MYO1H: variants seen among roughly 807,000 people sequenced by gnomAD.
MYO1H encodes the protein myosin IH, also known as unconventional myosin-Ih.
MYO1H carries 118 observed loss-of-function variants against 149.3 expected under a neutral mutation model. The ratio of observed to expected loss-of-function variants is 0.79; its 90% CI spans 0.68 to 0.92. MYO1H has a LOEUF of 0.92. Ranked by LOEUF, MYO1H falls within the 40% of genes least tolerant of loss-of-function variation. The pLI, the probability that MYO1H is intolerant of heterozygous loss-of-function variation, is 0.00. For missense variants in MYO1H, 1,212 were observed against 1,280.7 expected (o/e 0.95, Z 0.82); for synonymous variants, 447 against 465.2 (o/e 0.96, Z 0.50).
intron 19 of MYO1H, among the ~76,000 whole-genome samples, chr12:109,432,654 A>T (rs544738361): frequency 6.6e-6 from 1 of 152,306 alleles, no homozygotes; most frequent in South Asian, 2.1e-4. Context: ...TGAGCGTCTG[A>T]TGATGTCATT....
chr12:109,336,149 T>C, the MYO1H span, among the ~76,000 whole-genome samples: 3 of 152,182 alleles, frequency 2.0e-5, no homozygotes, highest in South Asian at 2.1e-4. Context: ...CTGACTCTTA[T>C]ATGAATCCAT....
intron 27 of MYO1H, among the ~76,000 whole-genome samples, chr12:109,443,024 A>ATATATGTGTGTGTGTGTGTGTG (rs1872229370): frequency 9.9e-6 from 1 of 101,226 alleles, no homozygotes; most frequent in Non-Finnish European, 2.0e-5. Context: ...ATATATATAT[A>ATATATGTGTGTGTGTGTGTGTG]TATATGTGTG....
intron 1 of MYO1H, among the ~76,000 whole-genome samples, chr12:109,374,071 G>A (rs1869043164): frequency 6.6e-6 from 1 of 152,200 alleles, no homozygotes; most frequent in South Asian, 2.1e-4. Flanking sequence ...TATGTGACTG[G>A]CTTTCTTTGA....
chr12:109,432,261 C>T (rs1389024533), intron 19 of MYO1H, among the ~76,000 whole-genome samples: 1 of 152,072 alleles, frequency 6.6e-6, no homozygotes. Context: ...GCCTCGGCCT[C>T]CCAAAGTGCT....
At chr12:109,443,775 C>A in intron 28 of MYO1H, 126 bp downstream of exon 28, 1 of 975,138 alleles carries the variant, frequency 1.0e-6, no homozygotes, top group Non-Finnish European at 1.5e-6. Flanking sequence ...TAGTGATGCA[C>A]ACCTGTAGTC....
rs1555251228 is a variant in MYO1H at position 109,396,819 on chromosome 12, T to TC, written c.489+237_489+238insC. 5.9e-5 allele frequency among the ~76,000 whole-genome samples: 7 copies of TC among 118,284 alleles called. 1 individual carries two copies. Among genetic ancestry groups the TC allele is most frequent in the Non-Finnish European group, 3.6e-5 (2 of 55,832 alleles). 77.6% of individuals were successfully genotyped at this position (118,284 alleles called of 152,430 possible). A position where few individuals can be genotyped will look rare whatever the true frequency, so the allele number is the denominator to read the frequency against. ...TTGGTTTTTGTTTTGGTTTCGTTTT[T>TC]TTTTTTTTTTTTTTTTTTTTTTTTT... On this transcript the variant is annotated intron_variant, in intron 4 of 31. Transcript: ENST00000310903.
At chr12:109,368,046 G>A (rs1368996830) in intron 1 of MYO1H, among the ~76,000 whole-genome samples, 2 of 152,122 alleles carry the variant, frequency 1.3e-5, no homozygotes, top group Non-Finnish European at 2.9e-5. Context: ...ATGAATATTT[G>A]CTAAGTAAGC....
At position 109,436,451 on chromosome 12, in the gene MYO1H, C is replaced by T. The variant is rs748193174; in HGVS notation, c.2141-37C>T. ...TCACAACCACAAAGATGCGCAAATG[C>T]AAAGCCATTTCACCAAAACGTCTGT... On this transcript the variant is annotated intron_variant, in intron 21 of 31. Transcript: ENST00000310903. 1.1e-5 allele frequency: 17 copies of T among 1,525,124 alleles called. No homozygotes were observed. The East Asian group carries it at 3.9e-4, about 35-fold the overall frequency. 94.5% of individuals were successfully genotyped at this position (1,525,124 alleles called of 1,614,324 possible).
chr12:109,382,933 A>G (rs1869235152), intron 1 of MYO1H, among the ~76,000 whole-genome samples: 1 of 149,680 alleles, frequency 6.7e-6, no homozygotes, highest in African/African-American at 2.4e-5. Flanking sequence ...ATAAATATAA[A>G]GAAAAGATGA....
chr12:109,311,199 C>T, the MYO1H span, among the ~76,000 whole-genome samples: 7 of 152,178 alleles, frequency 4.6e-5, no homozygotes, highest in African/African-American at 1.7e-4. Flanking sequence ...AAATAAAAGG[C>T]ATCCAGTCTG....
intron 25 of MYO1H, among the ~76,000 whole-genome samples, 197 bp downstream of exon 25, chr12:109,441,024 G>C (rs928404283): frequency 6.6e-6 from 1 of 152,196 alleles, no homozygotes; most frequent in Non-Finnish European, 1.5e-5. Context: ...AATCAGCATG[G>C]CTCCGTTTGT....
intron 2 of MYO1H, among the ~76,000 whole-genome samples, chr12:109,389,920 A>G (rs1021632927): frequency 6.6e-6 from 1 of 152,218 alleles, no homozygotes; most frequent in Admixed American, 6.5e-5. Context: ...TACATATCCT[A>G]GAGCCTAACT....
chr12:109,341,353 C>G, the MYO1H span, among the ~76,000 whole-genome samples: 1 of 152,018 alleles, frequency 6.6e-6, no homozygotes, highest in Non-Finnish European at 1.5e-5. Context: ...TTCCACTTCA[C>G]TACAGAATTC....
chr12:109,349,682 C>T (rs7955919), intron 1 of MYO1H, among the ~76,000 whole-genome samples: 5,010 of 148,512 alleles, frequency 0.034, 110 homozygotes, highest in Middle Eastern at 0.056. Flanking sequence ...AAAAAGAGGC[C>T]GGGTGCGGTG....
intron 6 of MYO1H, among the ~76,000 whole-genome samples, chr12:109,402,977 A>G (rs1390367521): frequency 6.6e-6 from 1 of 152,188 alleles, no homozygotes; most frequent in Admixed American, 6.5e-5. Flanking sequence ...GGCTTTGGAA[A>G]TGGGTCTAGC....
chr12:109,375,113 C>A (rs961505178), intron 1 of MYO1H, among the ~76,000 whole-genome samples: 2 of 150,980 alleles, frequency 1.3e-5, no homozygotes, highest in Non-Finnish European at 3.0e-5. Context: ...CCTTGGCCTC[C>A]CAAAGTGCTG....
At chr12:109,361,958 C>G (rs922315670) in intron 1 of MYO1H, among the ~76,000 whole-genome samples, 5 of 151,978 alleles carry the variant, frequency 3.3e-5, no homozygotes, top group African/African-American at 1.2e-4. Context: ...ACAATTGAGT[C>G]AGTAACAGAA....
At chr12:109,427,383 A>C (rs951789625) in intron 18 of MYO1H, 86 bp from the exon 19 acceptor site, 1 of 854,620 alleles carries the variant, frequency 1.2e-6, no homozygotes, top group Non-Finnish European at 2.0e-6. Context: ...AGCCCACTGA[A>C]CTTCAGCTTG....
At chr12:109,341,980 A>T in the MYO1H span, among the ~76,000 whole-genome samples, 1 of 152,094 alleles carries the variant, frequency 6.6e-6, no homozygotes, top group Non-Finnish European at 1.5e-5. Flanking sequence ...CTGTATGTTC[A>T]GTCTTTCATG....
Sources: gnomAD v4.1 joint callset for allele counts (sites outside exome capture counted in the v4.1 genomes callset) on GRCh38, gnomAD v4.1.1 for gene constraint, MANE v1.5 for transcripts, NCBI Gene and HGNC (gene_info 2026-07-23, HGNC 2026-07-21) for gene names.